OXR1: variants seen among roughly 807,000 people sequenced by gnomAD.
The protein encoded by OXR1 is oxidation resistance protein 1.
OXR1 carries 41 observed loss-of-function variants against 104.6 expected under a neutral mutation model. That is an observed-to-expected ratio of 0.39 (90% CI 0.31 to 0.51). OXR1 has a LOEUF of 0.51. Ranked by LOEUF, OXR1 falls within the 20% of genes least tolerant of loss-of-function variation. The pLI is 0.77. For synonymous variants in OXR1, 348 were observed against 348.4 expected, an observed-to-expected ratio of 1.00 and a Z score of 0.01; for missense variants, 955 against 1,031.9, an observed-to-expected ratio of 0.93 and a Z score of 1.02.
At chr8:106,660,922 A>C (rs1825700149) in intron 3 of OXR1, among the ~76,000 whole-genome samples, 1 of 152,134 alleles carries the variant, frequency 6.6e-6, no homozygotes, top group Non-Finnish European at 1.5e-5. Flanking sequence ...CTGAGGCAGG[A>C]GAATCGCTTA....
intron 3 of OXR1, among the ~76,000 whole-genome samples, chr8:106,565,451 C>A (rs977053351): frequency 6.6e-6 from 1 of 152,066 alleles, no homozygotes; most frequent in African/African-American, 2.4e-5. Flanking sequence ...AGGAGAACTA[C>A]AAACCACTGC....
chr8:106,282,920 C>T (rs1367265967), intron 1 of OXR1, among the ~76,000 whole-genome samples: 1 of 152,156 alleles, frequency 6.6e-6, no homozygotes, highest in African/African-American at 2.4e-5. Context: ...CATTTAGTTT[C>T]ATTTGAAATC....
intron 3 of OXR1, among the ~76,000 whole-genome samples, chr8:106,532,452 G>T (rs1444823997): frequency 1.3e-5 from 2 of 152,128 alleles, no homozygotes; most frequent in Non-Finnish European, 2.9e-5. Flanking sequence ...TGAAATTAAG[G>T]ATATTACCTG....
At chr8:106,339,538 ATATATATATAT>A in intron 1 of OXR1, among the ~76,000 whole-genome samples, 1 of 118,182 alleles carries the variant, frequency 8.5e-6, no homozygotes, top group African/African-American at 3.7e-5. Flanking sequence ...ATATATATAT[ATATATATATAT>A]ATATATAAAA....
At chr8:106,442,981 C>G (rs1336841500) in intron 2 of OXR1, among the ~76,000 whole-genome samples, 1 of 151,968 alleles carries the variant, frequency 6.6e-6, no homozygotes, top group African/African-American at 2.4e-5. Context: ...CTCTCTAGCT[C>G]TTTTATTTGT....
At chr8:106,560,822 T>C (rs950612075) in intron 3 of OXR1, among the ~76,000 whole-genome samples, 1 of 152,144 alleles carries the variant, frequency 6.6e-6, no homozygotes, top group African/African-American at 2.4e-5. Flanking sequence ...GTTCATCTCA[T>C]TGAGACTAGT....
intron 3 of OXR1, among the ~76,000 whole-genome samples, chr8:106,586,662 T>G (rs998847074): frequency 2.6e-5 from 4 of 152,152 alleles, no homozygotes; most frequent in Admixed American, 2.6e-4. Flanking sequence ...TGATCTGTGC[T>G]AAGGCCTAGT....
chr8:106,443,494 T>C (rs1005995687), intron 2 of OXR1, among the ~76,000 whole-genome samples: 15 of 152,180 alleles, frequency 9.9e-5, no homozygotes, highest in African/African-American at 3.6e-4. Context: ...ATCTGACTGA[T>C]ACTGACAGTG....
chr8:106,714,741 T>C (rs1261646333), intron 11 of OXR1, among the ~76,000 whole-genome samples: 1 of 152,158 alleles, frequency 6.6e-6, no homozygotes, highest in Non-Finnish European at 1.5e-5. Context: ...GATGCTAAAA[T>C]GTTATAATAA....
In OXR1 at chr8:106,698,036, G is replaced by C; in HGVS notation, c.676-4870G>C. The C allele has an allele frequency of 8.9e-6, 14 of 1,574,304 alleles. 1 individual carries two copies. The highest frequency in any genetic ancestry group is 7.8e-5 in the South Asian group (7 of 90,090). On this transcript the variant is annotated intron_variant, in intron 7 of 16. Coordinates refer to ENST00000517566, the MANE Select transcript of OXR1 (RefSeq NM_001198533.2). ...CATTCCAATGGGTGGCGGTGGCTGC[G>C]GGGAGCGTTCAAACGGGCTGGAGAG...
At chr8:106,557,474 G>C (rs572724477) in intron 3 of OXR1, among the ~76,000 whole-genome samples, 4 of 152,092 alleles carry the variant, frequency 2.6e-5, no homozygotes, top group Non-Finnish European at 5.9e-5. Context: ...TCCTAAGCTT[G>C]TATATCTGAG....
chr8:106,499,252 G>A (rs1470465887), intron 2 of OXR1, among the ~76,000 whole-genome samples: 9 of 151,878 alleles, frequency 5.9e-5, no homozygotes, highest in African/African-American at 2.2e-4. Flanking sequence ...AATTTTGCTT[G>A]GGAGATGATT....
intron 2 of OXR1, among the ~76,000 whole-genome samples, chr8:106,401,544 G>C (rs546583601): frequency 6.6e-6 from 1 of 152,134 alleles, no homozygotes; most frequent in Non-Finnish European, 1.5e-5. Flanking sequence ...GTAGGGGTCT[G>C]ACAAAGGCCT....
intron 16 of OXR1, 39 bp downstream of exon 16, chr8:106,745,901 A>G (rs757735689): frequency 1.8e-6 from 2 of 1,087,798 alleles, no homozygotes. Context: ...ATTTTTGAAG[A>G]ACTTTAAAAA....
chr8:106,342,058 C>CT (rs1238570595), intron 1 of OXR1, among the ~76,000 whole-genome samples: 1,599 of 135,996 alleles, frequency 0.012, 39 homozygotes, highest in African/African-American at 0.04. Flanking sequence ...AAAAAAAATT[C>CT]TTTTTTTTTT....
At chr8:106,603,958 C>A (rs1057394164) in intron 3 of OXR1, among the ~76,000 whole-genome samples, 3 of 152,070 alleles carry the variant, frequency 2.0e-5, no homozygotes, top group African/African-American at 7.2e-5. Context: ...GAGGCTGAGG[C>A]AGGAGACTCG....
intron 7 of OXR1, among the ~76,000 whole-genome samples, chr8:106,701,665 G>T (rs1254954555): frequency 6.6e-6 from 1 of 152,056 alleles, no homozygotes; most frequent in East Asian, 1.9e-4. Flanking sequence ...ATTGTGACTT[G>T]GATACAGAGG....
At chr8:106,610,592 A>C (rs1820741617) in intron 3 of OXR1, among the ~76,000 whole-genome samples, 2 of 152,132 alleles carry the variant, frequency 1.3e-5, no homozygotes, top group Non-Finnish European at 2.9e-5. Flanking sequence ...CCACAGTCTC[A>C]TTCGACTCCT....
chr8:106,562,564 A>G (rs1173492156), intron 3 of OXR1, among the ~76,000 whole-genome samples: 1 of 152,228 alleles, frequency 6.6e-6, no homozygotes, highest in Non-Finnish European at 1.5e-5. Context: ...ATTATCCAGG[A>G]GAACTTGCCC....
Sources: allele counts gnomAD v4.1 joint callset (sites outside exome capture counted in the v4.1 genomes callset), GRCh38; gene constraint gnomAD v4.1.1; transcripts MANE v1.5; gene names NCBI Gene and HGNC (gene_info 2026-07-23, HGNC 2026-07-21).